The following PTPRQ variants were observed in gnomAD, a reference collection of about 807,000 sequenced individuals.
PTPRQ encodes the protein phosphatidylinositol phosphatase PTPRQ.
PTPRQ carries 199 observed loss-of-function variants against 246.0 expected under a neutral mutation model. That is an observed-to-expected ratio of 0.81 (90% CI 0.72 to 0.91). The LOEUF (loss-of-function observed/expected upper bound fraction) is 0.91, where lower values mean the gene tolerates loss of function less well. PTPRQ is among the 40% of genes least tolerant of loss of function. The pLI, the probability that PTPRQ is intolerant of heterozygous loss-of-function variation, is 0.00. For missense variants in PTPRQ, 2,624 were observed against 2,528.4 expected (o/e 1.04, Z -0.81); for synonymous variants, 869 against 853.2 (o/e 1.02, Z -0.32).
At chr12:80,513,415 T>C (rs1279205885) in intron 17 of PTPRQ, among the ~76,000 whole-genome samples, 1 of 152,178 alleles carries the variant, frequency 6.6e-6, no homozygotes, top group African/African-American at 2.4e-5. Flanking sequence ...GGCCGCTGCA[T>C]TCCTCTCGAT....
intron 25 of PTPRQ, among the ~76,000 whole-genome samples, chr12:80,552,096 T>G (rs1352494874): frequency 1.3e-5 from 2 of 152,224 alleles, no homozygotes; most frequent in South Asian, 2.1e-4. Context: ...TAAGAATCCA[T>G]GCACTTAAGA....
At chr12:80,608,383 T>C (rs1248522424) in intron 27 of PTPRQ, among the ~76,000 whole-genome samples, 2 of 150,558 alleles carry the variant, frequency 1.3e-5, no homozygotes, top group East Asian at 3.9e-4. Context: ...GTAGGTTTAA[T>C]AAAGAAAGGT....
intron 17 of PTPRQ, among the ~76,000 whole-genome samples, chr12:80,530,030 C>G (rs1030847928): frequency 1.3e-5 from 2 of 152,054 alleles, no homozygotes; most frequent in African/African-American, 4.8e-5. Context: ...ACTTTGTACA[C>G]AGTTTATGAC....
chr12:80,652,864 T>C (rs1254019216), intron 38 of PTPRQ, 30 bp downstream of exon 38: 1 of 1,435,556 alleles, frequency 7.0e-7, no homozygotes, highest in African/African-American at 1.5e-5. Context: ...TTGGTTTAGC[T>C]AGGAAATATT....
chr12:80,648,210 T>C (rs1900139548), intron 35 of PTPRQ, among the ~76,000 whole-genome samples: 1 of 152,128 alleles, frequency 6.6e-6, no homozygotes, highest in Admixed American at 6.6e-5. Context: ...CCTTAGTTCA[T>C]TTCATTATAT....
chr12:80,464,249 A>G (rs1398141903), intron 6 of PTPRQ, among the ~76,000 whole-genome samples: 5 of 135,042 alleles, frequency 3.7e-5, no homozygotes, highest in Non-Finnish European at 7.9e-5. Context: ...CTTTAAACCA[A>G]CAAAGATCAA....
At chr12:80,659,607 A>G (rs1459866671) in intron 39 of PTPRQ, among the ~76,000 whole-genome samples, 2 of 152,028 alleles carry the variant, frequency 1.3e-5, no homozygotes, top group East Asian at 3.9e-4. Flanking sequence ...GCTGAACCAC[A>G]CAGATTATGT....
intron 8 of PTPRQ, among the ~76,000 whole-genome samples, chr12:80,480,478 G>A (rs11835299): frequency 0.22 from 31,900 of 147,462 alleles, 3,872 homozygotes; most frequent in African/African-American, 0.31. Context: ...AAAAGCAAGA[G>A]CAAACACATT....
At chr12:80,505,706 T>C (rs535832341) in intron 14 of PTPRQ, among the ~76,000 whole-genome samples, 2 of 152,056 alleles carry the variant, frequency 1.3e-5, no homozygotes, top group East Asian at 3.9e-4. Flanking sequence ...TTAAATGTTT[T>C]AAAATTCTCT....
intron 33 of PTPRQ, among the ~76,000 whole-genome samples, chr12:80,625,808 T>A (rs895119695): frequency 1.3e-5 from 2 of 152,128 alleles, no homozygotes; most frequent in African/African-American, 4.8e-5. Flanking sequence ...TACTCAAGAT[T>A]GAGTATTGGC....
At chr12:80,451,300 T>A (rs923216104) in intron 3 of PTPRQ, among the ~76,000 whole-genome samples, 4 of 132,622 alleles carry the variant, frequency 3.0e-5, no homozygotes, top group African/African-American at 1.2e-4. Context: ...TAGCGGTCTG[T>A]CAATTTTGTT....
At chr12:80,525,532 C>A (rs542429163) in intron 17 of PTPRQ, among the ~76,000 whole-genome samples, 1 of 152,122 alleles carries the variant, frequency 6.6e-6, no homozygotes, top group South Asian at 2.1e-4. Flanking sequence ...AATTTTCTTG[C>A]GAGTGCAGCG....
At chr12:80,453,136 C>T (rs1002605218) in intron 3 of PTPRQ, among the ~76,000 whole-genome samples, 1 of 152,060 alleles carries the variant, frequency 6.6e-6, no homozygotes, top group Admixed American at 6.5e-5. Context: ...TCACTGATAC[C>T]CTTTCTTCCA....
intron 35 of PTPRQ, among the ~76,000 whole-genome samples, chr12:80,647,427 A>G (rs1306359689): frequency 1.3e-5 from 2 of 152,160 alleles, no homozygotes; most frequent in African/African-American, 4.8e-5. Flanking sequence ...CTGAAGAACA[A>G]GGTATCATAG....
chr12:80,636,140 G>T (rs907028109), intron 35 of PTPRQ, among the ~76,000 whole-genome samples: 2 of 152,144 alleles, frequency 1.3e-5, no homozygotes, highest in African/African-American at 4.8e-5. Flanking sequence ...AGGGAAATGT[G>T]TTTTCTTGGA....
intron 30 of PTPRQ, among the ~76,000 whole-genome samples, chr12:80,618,396 A>G (rs973688826): frequency 6.6e-6 from 1 of 151,022 alleles, no homozygotes; most frequent in African/African-American, 2.4e-5. Context: ...ACACACACAC[A>G]CACACACAGT....
At chr12:80,460,531 C>T in intron 5 of PTPRQ, 122 bp from the exon 6 acceptor site, 1 of 394,500 alleles carries the variant, frequency 2.5e-6, no homozygotes, top group Non-Finnish European at 4.5e-6. Flanking sequence ...TTGTCTATAA[C>T]TTTTGCATGT....
Position 80,620,269 on chromosome 12 carries a change from T to C in PTPRQ, c.5505T>C (p.Phe1835=). The change falls in exon 32 of 45, where the codon TTT becomes TTC. Residue 1835 remains phenylalanine (F), a synonymous_variant. Coordinates refer to ENST00000644991, the MANE Select transcript of PTPRQ (RefSeq NM_001145026.2). ...NPPCTEGKTK[F]SGNEEIYIIG... ...CATGTACAGAAGGAAAGACAAAGTT[T>C]AGTGGCAATGAAGAAATCTACATCA... 1 of 1,549,584 alleles carries C rather than the reference T, an allele frequency of 6.5e-7. No individual in the cohort carries two copies. The highest frequency in any genetic ancestry group is 8.7e-7 in the Non-Finnish European group (1 of 1,145,570).
At chr12:80,459,780 G>A (rs968053105) in intron 5 of PTPRQ, among the ~76,000 whole-genome samples, 1 of 152,150 alleles carries the variant, frequency 6.6e-6, no homozygotes, top group African/African-American at 2.4e-5. Flanking sequence ...ATACACCATG[G>A]AGCAAGGACA....
Sources: allele counts gnomAD v4.1 joint callset (sites outside exome capture counted in the v4.1 genomes callset), GRCh38; gene constraint gnomAD v4.1.1; transcripts MANE v1.5; gene names NCBI Gene and HGNC (gene_info 2026-07-23, HGNC 2026-07-21).